The following CSMD1 variants were observed in gnomAD, a reference collection of about 807,000 sequenced individuals.
CSMD1 encodes CUB and Sushi multiple domains 1.
A neutral mutation model predicts 417.5 loss-of-function variants in CSMD1; 213 were observed. The observed-to-expected ratio is 0.51, with a 90% CI of 0.46 to 0.57. The LOEUF (loss-of-function observed/expected upper bound fraction) is 0.57, where lower values mean the gene tolerates loss of function less well. Among genes scored for constraint, CSMD1 ranks in the 20% least tolerant of loss-of-function variants. CSMD1 has a pLI of 0.00. For synonymous variants in CSMD1, 2,862 were observed against 1,736.8 expected (o/e 1.65, Z -16.11); for missense variants, 6,923 against 4,529.7 (o/e 1.53, Z -15.17).
intron 18 of CSMD1, among the ~76,000 whole-genome samples, chr8:3,385,247 G>C (rs866294209): frequency 1.5e-4 from 22 of 148,386 alleles, no homozygotes; most frequent in Non-Finnish European, 2.5e-4. Flanking sequence ...GAATGCATAT[G>C]TATGTATACA....
chr8:4,739,762 T>C (rs961288257), intron 1 of CSMD1, among the ~76,000 whole-genome samples: 3 of 152,128 alleles, frequency 2.0e-5, no homozygotes, highest in African/African-American at 7.2e-5. Flanking sequence ...CCACAAAGAT[T>C]CTCCAGTCCC....
chr8:4,591,991 G>C (rs534572292), intron 2 of CSMD1, among the ~76,000 whole-genome samples: 16 of 152,120 alleles, frequency 1.1e-4, no homozygotes, highest in African/African-American at 3.9e-4. Flanking sequence ...AGGCAAAACA[G>C]GCTGCAGGTC....
At chr8:4,620,712 T>C (rs1417760540) in intron 2 of CSMD1, among the ~76,000 whole-genome samples, 3 of 151,798 alleles carry the variant, frequency 2.0e-5, no homozygotes, top group Non-Finnish European at 4.4e-5. Flanking sequence ...TAAACTAAAT[T>C]ACTAGTAAAT....
chr8:4,814,620 T>C (rs1337716451), intron 1 of CSMD1, among the ~76,000 whole-genome samples: 1 of 152,170 alleles, frequency 6.6e-6, no homozygotes. Context: ...TTAATTAGTA[T>C]TGATCAAGGG....
At chr8:4,206,140 T>C (rs559881651) in intron 3 of CSMD1, among the ~76,000 whole-genome samples, 121 of 152,296 alleles carry the variant, frequency 7.9e-4, no homozygotes, top group Middle Eastern at 3.4e-3. Flanking sequence ...TATTTTACCT[T>C]TTCCCTGGCT....
chr8:3,711,743 G>A (rs955696811), intron 6 of CSMD1, among the ~76,000 whole-genome samples: 8 of 152,094 alleles, frequency 5.3e-5, no homozygotes, highest in South Asian at 2.1e-4. Context: ...AATGGCAAAC[G>A]TATCACCCCC....
intron 10 of CSMD1, among the ~76,000 whole-genome samples, chr8:3,567,681 T>C (rs1004192305): frequency 2.0e-5 from 3 of 152,240 alleles, no homozygotes; most frequent in East Asian, 1.9e-4. Context: ...GCAATGCAAC[T>C]GTACAGAAAG....
chr8:3,706,022 G>T (rs371597425), intron 7 of CSMD1, among the ~76,000 whole-genome samples: 1 of 152,244 alleles, frequency 6.6e-6, no homozygotes, highest in African/African-American at 2.4e-5. Context: ...ATGAGGTGCT[G>T]AAGAGGAAAC....
At chr8:4,147,712 G>C (rs1262815481) in intron 3 of CSMD1, among the ~76,000 whole-genome samples, 2 of 152,110 alleles carry the variant, frequency 1.3e-5, no homozygotes, top group Non-Finnish European at 2.9e-5. Flanking sequence ...TCAGGTTTCA[G>C]ATGCAGACAC....
chr8:3,909,725 C>A (rs527246549), intron 5 of CSMD1, among the ~76,000 whole-genome samples: 1 of 152,160 alleles, frequency 6.6e-6, no homozygotes, highest in South Asian at 2.1e-4. Context: ...GTAGCAAAGG[C>A]AAAAGTTTAG....
intron 4 of CSMD1, among the ~76,000 whole-genome samples, chr8:4,005,537 T>C (rs983928674): frequency 2.0e-5 from 3 of 152,222 alleles, no homozygotes; most frequent in African/African-American, 7.2e-5. Flanking sequence ...ACGAATTGGC[T>C]CATTCTTTAT....
At chr8:4,593,446 A>T (rs58378650) in intron 2 of CSMD1, among the ~76,000 whole-genome samples, 4,361 of 152,314 alleles carry the variant, frequency 0.029, 94 homozygotes, top group African/African-American at 0.063. Flanking sequence ...CCTTAAGCAC[A>T]GGAGAATGGC....
At chr8:3,614,808 C>T (rs1802058192) in intron 8 of CSMD1, among the ~76,000 whole-genome samples, 1 of 152,170 alleles carries the variant, frequency 6.6e-6, no homozygotes, top group Non-Finnish European at 1.5e-5. Flanking sequence ...ATAAGACACT[C>T]TCCATTCTGG....
rs185787886 is a variant in CSMD1 at position 3,895,478 on chromosome 8, T to C, written c.818+102425A>G. Among the ~76,000 whole-genome samples the C allele has an allele frequency of 2.2e-3, 333 of 151,988 alleles. 2 individuals carry two copies. Among genetic ancestry groups the C allele is most frequent in the African/African-American group, 7.6e-3 (315 of 41,436 alleles). ...ATCTTAGCAGACAAAAAAGAAAAAA[T>C]CAATATTATTAGGCCTATTATCAAT... is the stretch of plus-strand genomic sequence containing the variant. On this transcript the variant is annotated intron_variant, in intron 5 of 69. Transcript: ENST00000635120.
chr8:4,976,918 A>G (rs899690552), intron 1 of CSMD1, among the ~76,000 whole-genome samples: 1 of 152,284 alleles, frequency 6.6e-6, no homozygotes, highest in Middle Eastern at 3.4e-3. Flanking sequence ...AATCCTCCAG[A>G]GCATCAAGTG....
intron 3 of CSMD1, among the ~76,000 whole-genome samples, chr8:4,289,037 C>T (rs1489141600): frequency 1.3e-5 from 2 of 152,094 alleles, no homozygotes; most frequent in African/African-American, 4.8e-5. Flanking sequence ...CAATGACTGT[C>T]ATAATGAGCA....
intron 3 of CSMD1, among the ~76,000 whole-genome samples, chr8:4,359,350 C>A (rs1026968600): frequency 6.6e-6 from 1 of 152,206 alleles, no homozygotes; most frequent in African/African-American, 2.4e-5. Flanking sequence ...TATCTAAACA[C>A]TATAATTATC....
intron 3 of CSMD1, among the ~76,000 whole-genome samples, chr8:4,150,877 G>T (rs537477759): frequency 7.4e-4 from 35 of 47,460 alleles, no homozygotes; most frequent in African/African-American, 2.6e-3. Flanking sequence ...AAAATGTCCT[G>T]CTGAGAAACG....
At chr8:4,228,256 C>G (rs77049157) in intron 3 of CSMD1, among the ~76,000 whole-genome samples, 1 of 152,184 alleles carries the variant, frequency 6.6e-6, no homozygotes, top group African/African-American at 2.4e-5. Context: ...TTCCTGTCAT[C>G]CTTTCCAGTC....
Sources: allele counts gnomAD v4.1 joint callset (sites outside exome capture counted in the v4.1 genomes callset), GRCh38; gene constraint gnomAD v4.1.1; transcripts MANE v1.5; gene names NCBI Gene and HGNC (gene_info 2026-07-23, HGNC 2026-07-21).